Variants in ADGRA3 observed in about 807,000 individuals in gnomAD.
The protein encoded by ADGRA3 is adhesion G protein-coupled receptor A3, also known as G-protein coupled receptor 125.
A neutral mutation model predicts 119.8 loss-of-function variants in ADGRA3; 56 were observed. The observed-to-expected ratio is 0.47, with a 90% CI of 0.38 to 0.58. ADGRA3 has a LOEUF of 0.58. Ranked by LOEUF, ADGRA3 falls within the 20% of genes least tolerant of loss-of-function variation. ADGRA3 has a pLI of 0.00. For missense variants in ADGRA3, 1,516 were observed against 1,649.0 expected, an observed-to-expected ratio of 0.92 and a Z score of 1.40; for synonymous variants, 607 against 623.8, an observed-to-expected ratio of 0.97 and a Z score of 0.40.
intron 14 of ADGRA3, among the ~76,000 whole-genome samples, chr4:22,404,257 G>A (rs200076424): frequency 2.3e-5 from 3 of 130,476 alleles, no homozygotes; most frequent in Admixed American, 7.9e-5. Context: ...TTAAAAAAAA[G>A]AAAGGAAGAG....
At chr4:22,443,036 T>A (rs1212057264) in intron 6 of ADGRA3, 173 bp from the exon 7 acceptor site, 7 of 682,466 alleles carry the variant, frequency 1.0e-5, no homozygotes, top group South Asian at 1.7e-5. Flanking sequence ...TGATAACAGA[T>A]TAAAACAAAA....
intron 12 of ADGRA3, among the ~76,000 whole-genome samples, chr4:22,415,064 A>G (rs1715377026): frequency 6.6e-6 from 1 of 151,834 alleles, no homozygotes; most frequent in South Asian, 2.1e-4. Flanking sequence ...CACATTAGTC[A>G]TAATACACAC....
chr4:22,502,893 G>GAAAAAAAAAAAAAAAA (rs71182944), intron 1 of ADGRA3, among the ~76,000 whole-genome samples: 2 of 120,098 alleles, frequency 1.7e-5, no homozygotes, highest in Non-Finnish European at 1.7e-5. Flanking sequence ...CTACTTAAGG[G>GAAAAAAAAAAAAAAAA]AAAAAAAAAA....
intron 1 of ADGRA3, among the ~76,000 whole-genome samples, chr4:22,494,564 G>C (rs1037450575): frequency 2.0e-5 from 3 of 151,880 alleles, no homozygotes; most frequent in Non-Finnish European, 4.4e-5. Flanking sequence ...GTAACAATTT[G>C]AGAACCTCCT....
At chr4:22,435,166 A>G in intron 10 of ADGRA3, 145 bp downstream of exon 10, 1 of 672,116 alleles carries the variant, frequency 1.5e-6, no homozygotes, top group Middle Eastern at 4.4e-4. Flanking sequence ...AGGCAGAAGT[A>G]TCTCAATAAA....
chr4:22,453,575 T>G lies in ADGRA3; in HGVS notation c.473+1291A>C, dbSNP rs181385056. On this transcript the variant is annotated intron_variant, in intron 4 of 18. Transcript: ENST00000334304. Reference sequence around the variant, plus strand: ...AAGGTAACTTGAAATACAAGAAACATTCTAAAAAGCTACAGGGAGAAAGAA... The same window carrying G: ...AAGGTAACTTGAAATACAAGAAACAGTCTAAAAAGCTACAGGGAGAAAGAA... Among the ~76,000 whole-genome samples, 488 of 152,298 alleles carry G rather than the reference T, an allele frequency of 3.2e-3. 2 individuals carry two copies. The highest frequency in any genetic ancestry group is 4.0e-3 in the Non-Finnish European group (269 of 68,036).
Position 22,402,656 on chromosome 4 carries a change from G to A in ADGRA3, c.2357+19C>T. 6.2e-7 allele frequency: 1 copy of A among 1,605,394 alleles called. No individual in the cohort carries two copies. Among genetic ancestry groups the A allele is most frequent in the Non-Finnish European group, 8.5e-7 (1 of 1,177,292 alleles). ...AAATCAAAGTCCGCAGATCTATTTT[G>A]TCGAGATGTATTTCTTACCTGTGAT... On this transcript the variant is annotated intron_variant, in intron 15 of 18. Coordinates refer to ENST00000334304, the MANE Select transcript of ADGRA3 (RefSeq NM_145290.4).
chr4:22,498,146 G>T (rs972354709), intron 1 of ADGRA3, among the ~76,000 whole-genome samples: 2 of 151,934 alleles, frequency 1.3e-5, no homozygotes, highest in Admixed American at 1.3e-4. Context: ...GAGGCTGGGT[G>T]GGGCAGGAGA....
intron 14 of ADGRA3, among the ~76,000 whole-genome samples, chr4:22,412,626 T>G (rs1715252911): frequency 6.6e-6 from 1 of 152,144 alleles, no homozygotes; most frequent in Non-Finnish European, 1.5e-5. Context: ...CAACCTGTAA[T>G]TAGTGTTAAC....
chr4:22,400,273 T>C (rs1200969434), intron 16 of ADGRA3, among the ~76,000 whole-genome samples: 1 of 152,162 alleles, frequency 6.6e-6, no homozygotes. Flanking sequence ...TTACTCACAG[T>C]AGCCAAGAGA....
At chr4:22,488,253 A>G (rs1718503472) in intron 1 of ADGRA3, among the ~76,000 whole-genome samples, 1 of 152,152 alleles carries the variant, frequency 6.6e-6, no homozygotes, top group Non-Finnish European at 1.5e-5. Context: ...CTGTACACCT[A>G]AAATACTTAC....
intron 17 of ADGRA3, among the ~76,000 whole-genome samples, chr4:22,391,052 G>A (rs1714112762): frequency 6.6e-6 from 1 of 152,016 alleles, no homozygotes; most frequent in Admixed American, 6.6e-5. Context: ...TCTTTCTGCA[G>A]CCAAAAATCC....
At chr4:22,444,867 T>C in intron 6 of ADGRA3, 106 bp downstream of exon 6, 1 of 1,094,458 alleles carries the variant, frequency 9.1e-7, no homozygotes, top group Non-Finnish European at 1.4e-6. Context: ...ACTGGCTGCA[T>C]ACTAGTTCTG....
intron 1 of ADGRA3, among the ~76,000 whole-genome samples, chr4:22,509,749 G>T (rs951321138): frequency 6.6e-6 from 1 of 151,824 alleles, no homozygotes; most frequent in Admixed American, 6.6e-5. Context: ...GGTGGCTCAC[G>T]CCTGTAATCC....
intron 1 of ADGRA3, among the ~76,000 whole-genome samples, chr4:22,508,295 G>A (rs765960258): frequency 5.9e-5 from 9 of 152,220 alleles, no homozygotes; most frequent in Admixed American, 3.3e-4. Flanking sequence ...TCCCAGACTG[G>A]GCTTCCAAGG....
At chr4:22,459,657 C>T (rs1369572467) in intron 3 of ADGRA3, among the ~76,000 whole-genome samples, 1 of 151,784 alleles carries the variant, frequency 6.6e-6, no homozygotes, top group African/African-American at 2.4e-5. Flanking sequence ...TACCCACACA[C>T]ACTGGAGGCG....
intron 2 of ADGRA3, among the ~76,000 whole-genome samples, chr4:22,470,783 CAGAAAAGTGGGAAGTGAGAAAAG>C (rs1222154492): frequency 6.6e-6 from 1 of 152,114 alleles, no homozygotes; most frequent in Non-Finnish European, 1.5e-5. Context: ...AATGCACCAG[CAGAAAAGTGGGAAGTGAGAAAAG>C]AGAATGATGT....
rs139151863 is a variant in ADGRA3 at position 22,465,789 on chromosome 4, T to C, written c.330-3981A>G. On this transcript the variant is annotated intron_variant, in intron 2 of 18. Coordinates refer to ENST00000334304, the MANE Select transcript of ADGRA3 (RefSeq NM_145290.4). ...GTGGAGATTTACTAAAGGAACCAAG[T>C]AAATTTATAGCTAAAATAATAGGAA... Among the ~76,000 whole-genome samples the C allele has an allele frequency of 2.6e-4, 40 of 152,288 alleles. No individual in the cohort carries two copies. In the East Asian group the frequency reaches 7.0e-3, roughly 26 times the overall value.
chr4:22,443,912 G>A (rs1273459377), intron 6 of ADGRA3, among the ~76,000 whole-genome samples: 1 of 151,988 alleles, frequency 6.6e-6, no homozygotes, highest in Non-Finnish European at 1.5e-5. Flanking sequence ...ATAATAAAGA[G>A]AAAAGGAAAA....
Sources: gnomAD v4.1 joint callset for allele counts (sites outside exome capture counted in the v4.1 genomes callset) on GRCh38, gnomAD v4.1.1 for gene constraint, MANE v1.5 for transcripts, NCBI Gene and HGNC (gene_info 2026-07-23, HGNC 2026-07-21) for gene names.